The following JAM3 variants were observed in gnomAD, a reference collection of about 807,000 sequenced individuals.
JAM3 encodes junctional adhesion molecule 3.
JAM3 carries 31 observed loss-of-function variants against 39.4 expected under a neutral mutation model. The ratio of observed to expected loss-of-function variants is 0.79; its 90% CI spans 0.59 to 1.06. The LOEUF is 1.06. JAM3 is among the 50% of genes least tolerant of loss of function. The pLI, the probability that JAM3 is intolerant of heterozygous loss-of-function variation, is 0.00. For synonymous variants in JAM3, 182 were observed against 148.7 expected (o/e 1.22, Z -1.63); for missense variants, 455 against 391.4 (o/e 1.16, Z -1.37).
rs897190010 is a variant in JAM3, at chr11:134,087,232, C to CT, written c.76+18080dup. On this transcript the variant is annotated intron_variant, in intron 1 of 8. Coordinates refer to ENST00000299106, the MANE Select transcript of JAM3 (RefSeq NM_032801.5). ...ATACACACACACGCACACACACACACTTTTTTTGCATATTAGGAAAAAGTA... is the reference window on the plus strand; with the variant it reads ...ATACACACACACGCACACACACACACTTTTTTTTGCATATTAGGAAAAAGTA... 1.5e-4 allele frequency among the ~76,000 whole-genome samples: 23 copies of CT among 152,152 alleles called. No homozygotes were observed. In the South Asian group the frequency reaches 3.9e-3, roughly 26 times the overall value.
intron 1 of JAM3, among the ~76,000 whole-genome samples, chr11:134,088,907 A>G (rs1941793624): frequency 6.6e-6 from 1 of 152,222 alleles, no homozygotes; most frequent in Non-Finnish European, 1.5e-5. Flanking sequence ...CTCCTGCCTC[A>G]GCTTCCCAAG....
At chr11:134,084,602 G>A (rs1253503103) in intron 1 of JAM3, among the ~76,000 whole-genome samples, 1 of 152,168 alleles carries the variant, frequency 6.6e-6, no homozygotes, top group Admixed American at 6.6e-5. Context: ...CAATAAGTGG[G>A]AGAGATTTGC....
At chr11:134,087,802 T>C (rs867132895) in intron 1 of JAM3, among the ~76,000 whole-genome samples, 1 of 152,224 alleles carries the variant, frequency 6.6e-6, no homozygotes, top group Non-Finnish European at 1.5e-5. Flanking sequence ...CATGGACATA[T>C]AGGTTCTAGA....
At chr11:134,126,891 T>C (rs558263390) in intron 1 of JAM3, among the ~76,000 whole-genome samples, 19 of 152,334 alleles carry the variant, frequency 1.2e-4, no homozygotes, top group South Asian at 2.1e-4. Flanking sequence ...AACTTCTCCT[T>C]CTCTGTCATT....
chr11:134,128,394 G>A (rs1037032811), intron 1 of JAM3, among the ~76,000 whole-genome samples: 1 of 152,142 alleles, frequency 6.6e-6, no homozygotes, highest in African/African-American at 2.4e-5. Flanking sequence ...GCATATTTTG[G>A]TACTCAAAAA....
chr11:134,136,979 G>T (rs1036460305), intron 1 of JAM3, among the ~76,000 whole-genome samples: 1 of 152,168 alleles, frequency 6.6e-6, no homozygotes, highest in Non-Finnish European at 1.5e-5. Flanking sequence ...CAGGCGTGGT[G>T]GTGGGCGCCT....
chr11:134,142,770 C>T (rs1942999917), intron 3 of JAM3, among the ~76,000 whole-genome samples: 1 of 152,062 alleles, frequency 6.6e-6, no homozygotes, highest in Non-Finnish European at 1.5e-5. Flanking sequence ...CAGCAGTAGT[C>T]AGTCCTCCTC....
chr11:134,118,618 C>A (rs1230542897), intron 1 of JAM3, among the ~76,000 whole-genome samples: 1 of 152,188 alleles, frequency 6.6e-6, no homozygotes, highest in Non-Finnish European at 1.5e-5. Context: ...GCTGCCTTCA[C>A]CCTGCCTTTA....
chr11:134,094,379 C>T (rs1400802393), intron 1 of JAM3, among the ~76,000 whole-genome samples: 1 of 141,208 alleles, frequency 7.1e-6, no homozygotes, highest in African/African-American at 2.7e-5. Flanking sequence ...GGAAGCTTCT[C>T]CTGAACCCTC....
chr11:134,127,350 T>C (rs1286678017), intron 1 of JAM3, among the ~76,000 whole-genome samples: 2 of 152,254 alleles, frequency 1.3e-5, no homozygotes, highest in Non-Finnish European at 2.9e-5. Flanking sequence ...TGATGTCTGA[T>C]GGCCCTGGTT....
intron 1 of JAM3, among the ~76,000 whole-genome samples, chr11:134,114,158 A>G (rs2120741070): frequency 6.6e-6 from 1 of 152,180 alleles, no homozygotes; most frequent in Admixed American, 6.5e-5. Context: ...GTTCACTGTG[A>G]TGGTAGTTTC....
At chr11:134,118,486 T>C (rs777072037) in intron 1 of JAM3, among the ~76,000 whole-genome samples, 5 of 152,154 alleles carry the variant, frequency 3.3e-5, no homozygotes, top group African/African-American at 4.8e-5. Flanking sequence ...TGGGAAGTCA[T>C]TGCACCACTA....
At chr11:134,111,308 A>AT (rs896685812) in intron 1 of JAM3, among the ~76,000 whole-genome samples, 28 of 151,156 alleles carry the variant, frequency 1.9e-4, no homozygotes, top group Non-Finnish European at 3.0e-4. Flanking sequence ...CGCCCTGCTA[A>AT]TTTTTTTTGT....
At chr11:134,130,396 CTTAGGTA>C (rs1565499776) in intron 1 of JAM3, among the ~76,000 whole-genome samples, 1 of 151,878 alleles carries the variant, frequency 6.6e-6, no homozygotes, top group East Asian at 1.9e-4. Flanking sequence ...TTCTTGGGTT[CTTAGGTA>C]TTATGGTTGG....
rs1298650920 is a variant in JAM3 at position 134,151,898 on chromosome 11, T to C, written c.*2717T>C. 1.3e-5 allele frequency: 2 copies of C among 152,270 alleles called. No individual in the cohort carries two copies. The highest frequency in any genetic ancestry group is 4.8e-5 in the African/African-American group (2 of 41,474). 9.4% of individuals were successfully genotyped at this position (152,270 alleles called of 1,614,324 possible). A position where few individuals can be genotyped will look rare whatever the true frequency, so the allele number is the denominator to read the frequency against. ...GTGCTGGGCAGGAGGTCAGCCTGTG[T>C]GCTCAAGAGCAGTGCTGCGCCTCTC... On this transcript the variant is annotated 3_prime_UTR_variant, in exon 9 of 9. Transcript: ENST00000299106.
At chr11:134,119,325 G>A (rs75733308) in intron 1 of JAM3, among the ~76,000 whole-genome samples, 3,826 of 152,252 alleles carry the variant, frequency 0.025, 165 homozygotes, top group African/African-American at 0.087. Context: ...TCTTCCTGCT[G>A]GCTTAACCCT....
chr11:134,145,240 T>C (rs1421557346), intron 5 of JAM3: 2 of 568,676 alleles, frequency 3.5e-6, no homozygotes, highest in Admixed American at 3.0e-5. Flanking sequence ...ATTAAGCAAA[T>C]GTTACTAGGG....
intron 6 of JAM3, 27 bp downstream of exon 6, chr11:134,146,072 A>G (rs755401442): frequency 7.1e-7 from 1 of 1,403,800 alleles, no homozygotes; most frequent in South Asian, 1.2e-5. Context: ...AAGAGGTTTC[A>G]TCGCAAGACT....
At chr11:134,129,415 CTCTTT>C (rs1188707202) in intron 1 of JAM3, among the ~76,000 whole-genome samples, 1 of 152,044 alleles carries the variant, frequency 6.6e-6, no homozygotes, top group Non-Finnish European at 1.5e-5. Flanking sequence ...TGTGCCCAGC[CTCTTT>C]TCAAGTTCTT....
Sources: allele counts gnomAD v4.1 joint callset (sites outside exome capture counted in the v4.1 genomes callset), GRCh38; gene constraint gnomAD v4.1.1; transcripts MANE v1.5; gene names NCBI Gene and HGNC (gene_info 2026-07-23, HGNC 2026-07-21).